The following IL1RAPL2 variants were observed in gnomAD, a reference collection of about 807,000 sequenced individuals.
IL1RAPL2 encodes the protein X-linked interleukin-1 receptor accessory protein-like 2.
A neutral mutation model predicts 44.1 loss-of-function variants in IL1RAPL2; 3 were observed. The observed-to-expected ratio is 0.07, with a 90% CI of 0.03 to 0.18. The LOEUF (loss-of-function observed/expected upper bound fraction) is 0.18. IL1RAPL2 is among the 10% of genes least tolerant of loss of function. IL1RAPL2 has a pLI of 1.00. For synonymous variants in IL1RAPL2, 181 were observed against 178.8 expected (o/e 1.01, Z -0.10); for missense variants, 391 against 496.4 (o/e 0.79, Z 2.02).
chrX:104,627,319 TC>T (rs1242060843), intron 1 of IL1RAPL2, among the ~76,000 whole-genome samples: 4 of 76,630 alleles, frequency 5.2e-5, no homozygotes, highest in Non-Finnish European at 9.2e-5. Context: ...AATATCACAC[TC>T]CGGGGCCTGT....
Position 104,585,193 on chromosome X carries a change from G to A in IL1RAPL2, c.-20+18142G>A, listed in dbSNP as rs755361303. Among the ~76,000 whole-genome samples, 141 of 55,062 alleles carry A rather than the reference G, an allele frequency of 2.6e-3. 7 individuals carry two copies. The highest frequency in any genetic ancestry group is 0.015 in the African/African-American group (136 of 9,042). 47.8% of individuals were successfully genotyped at this position (55,062 alleles called of 115,157 possible). A position where few individuals can be genotyped will look rare whatever the true frequency, so the allele number is the denominator to read the frequency against. On this transcript the variant is annotated intron_variant, in intron 1 of 10. Coordinates refer to ENST00000372582, the MANE Select transcript of IL1RAPL2 (RefSeq NM_017416.2). ...TGTATATATACACACATACACACAT[G>A]TATATGTATTATATATACACATATA...
intron 2 of IL1RAPL2, among the ~76,000 whole-genome samples, chrX:104,714,964 G>T (rs1022724736): frequency 9.0e-6 from 1 of 111,117 alleles, no homozygotes; most frequent in Non-Finnish European, 1.9e-5. Flanking sequence ...ATCTCTGCAA[G>T]GTTTTGGTAA....
intron 5 of IL1RAPL2, among the ~76,000 whole-genome samples, chrX:105,393,194 T>C (rs909699078): frequency 9.1e-6 from 1 of 110,392 alleles, no homozygotes; most frequent in Non-Finnish European, 1.9e-5. Flanking sequence ...GAATGGGTGC[T>C]GCTGATTGGT....
chrX:104,638,629 A>G (rs1043874829), intron 1 of IL1RAPL2, among the ~76,000 whole-genome samples: 8 of 111,878 alleles, frequency 7.2e-5, no homozygotes. Flanking sequence ...ATCATTCAGG[A>G]GCATGTGGTT....
intron 2 of IL1RAPL2, among the ~76,000 whole-genome samples, chrX:105,122,859 G>A (rs1382802162): frequency 9.0e-6 from 1 of 111,164 alleles, no homozygotes; most frequent in South Asian, 3.8e-4. Flanking sequence ...TGTGGGGGTT[G>A]TGGGAAGGCA....
At chrX:105,371,783 A>C (rs761485925) in intron 5 of IL1RAPL2, among the ~76,000 whole-genome samples, 1 of 112,496 alleles carries the variant, frequency 8.9e-6, no homozygotes, top group Non-Finnish European at 1.9e-5. Flanking sequence ...AATGCTTTGC[A>C]TGGAAAGATC....
chrX:104,648,648 C>A (rs930684162), intron 1 of IL1RAPL2, among the ~76,000 whole-genome samples: 8 of 111,463 alleles, frequency 7.2e-5, no homozygotes, highest in Non-Finnish European at 1.5e-4. Context: ...GCTTGTAACA[C>A]CTTATACCTA....
chrX:104,668,829 C>G (rs1930537112), intron 2 of IL1RAPL2, among the ~76,000 whole-genome samples: 1 of 109,964 alleles, frequency 9.1e-6, no homozygotes, highest in African/African-American at 3.3e-5. Context: ...GGAATAACAG[C>G]TTTATAGTCA....
rs745949698 is a variant in IL1RAPL2 at position 105,665,726 on chromosome X, G to GT, written c.773-51634dup. On this transcript the variant is annotated intron_variant, in intron 6 of 10. Coordinates refer to ENST00000372582, the MANE Select transcript of IL1RAPL2 (RefSeq NM_017416.2). ...TGTCCTTTCAATAGTTTTTATTTTT[G>GT]TTTTTTTGTTTTTTTGTTTTTTTTT... is the stretch of plus-strand genomic sequence containing the variant. Among the ~76,000 whole-genome samples the GT allele has an allele frequency of 1.5e-4, 11 of 75,194 alleles. 1 individual carries two copies. Among genetic ancestry groups the GT allele is most frequent in the African/African-American group, 5.7e-4 (11 of 19,170 alleles). 65.3% of individuals were successfully genotyped at this position (75,194 alleles called of 115,157 possible).
chrX:104,658,949 T>C lies in IL1RAPL2; in HGVS notation c.36T>C (p.Cys12=). 2 of 1,208,528 alleles carry C rather than the reference T, an allele frequency of 1.7e-6. No homozygotes were observed. The change falls in exon 2 of 11, where the codon TGT becomes TGC. Residue 12 remains cysteine, a synonymous_variant. Coordinates refer to ENST00000372582, the MANE Select transcript of IL1RAPL2 (RefSeq NM_017416.2). ...KPPFLLALVV[C]SVVSTNLKMV... is the part of the protein sequence containing the mutation. ...CATTTCTTTTGGCCCTTGTGGTCTG[T>C]TCTGTAGTCAGCACAAATCTGAAGA...
intron 6 of IL1RAPL2, among the ~76,000 whole-genome samples, chrX:105,493,056 ACATTTAG>A (rs1399927106): frequency 8.9e-6 from 1 of 112,130 alleles, no homozygotes; most frequent in Non-Finnish European, 1.9e-5. Flanking sequence ...TAGGCTTCTT[ACATTTAG>A]CATAGTGTTA....
rs1458466072 is a variant in IL1RAPL2, at chrX:104,716,052, T to C, written c.82+57057T>C. ...TTCAAACTATACTACAAGGCTACACTAACAAAACATCATGGTACTAGTATA... is the reference window on the plus strand; with the variant it reads ...TTCAAACTATACTACAAGGCTACACCAACAAAACATCATGGTACTAGTATA... On this transcript the variant is annotated intron_variant, in intron 2 of 10. Transcript: ENST00000372582. Among the ~76,000 whole-genome samples the C allele has an allele frequency of 9.0e-5, 10 of 111,145 alleles. No individual in the cohort carries two copies. In the Admixed American group the frequency reaches 9.6e-4, roughly 11 times the overall value.
chrX:105,411,803 T>C (rs2035698097), intron 5 of IL1RAPL2, among the ~76,000 whole-genome samples: 1 of 111,939 alleles, frequency 8.9e-6, no homozygotes, highest in South Asian at 3.7e-4. Flanking sequence ...AGACCAAATG[T>C]ATCTAACAAA....
At chrX:105,210,412 C>T (rs1556156603) in intron 3 of IL1RAPL2, among the ~76,000 whole-genome samples, 2 of 111,198 alleles carry the variant, frequency 1.8e-5, no homozygotes, top group Non-Finnish European at 3.8e-5. Flanking sequence ...ACCCCTGAGC[C>T]TACCCTCCCT....
chrX:104,901,725 C>A, intron 2 of IL1RAPL2, among the ~76,000 whole-genome samples: 1 of 111,420 alleles, frequency 9.0e-6, no homozygotes, highest in Middle Eastern at 4.7e-3. Context: ...TCCTGCCCTG[C>A]CGTTTACTAC....
chrX:105,039,464 A>G (rs747213242), intron 2 of IL1RAPL2, among the ~76,000 whole-genome samples: 21 of 111,902 alleles, frequency 1.9e-4, no homozygotes, highest in Middle Eastern at 4.6e-3. Flanking sequence ...GACAGTTCCT[A>G]TGCTTCTCAA....
intron 6 of IL1RAPL2, among the ~76,000 whole-genome samples, chrX:105,604,559 G>A (rs766589109): frequency 8.2e-5 from 9 of 110,374 alleles, no homozygotes; most frequent in Non-Finnish European, 1.7e-4. Flanking sequence ...TGGCTTTACT[G>A]CTGAATTTTA....
chrX:105,641,705 G>A (rs2037571004), intron 6 of IL1RAPL2, among the ~76,000 whole-genome samples: 1 of 112,132 alleles, frequency 8.9e-6, no homozygotes, highest in Non-Finnish European at 1.9e-5. Context: ...GACTGACTGG[G>A]ACAGCAAGGT....
intron 2 of IL1RAPL2, among the ~76,000 whole-genome samples, chrX:104,719,651 A>G (rs762968175): frequency 3.6e-5 from 4 of 111,645 alleles, no homozygotes; most frequent in Non-Finnish European, 7.5e-5. Context: ...AATGTTTAAA[A>G]GCAACTCCAT....
Sources: gnomAD v4.1 joint callset for allele counts (sites outside exome capture counted in the v4.1 genomes callset) on GRCh38, gnomAD v4.1.1 for gene constraint, MANE v1.5 for transcripts, NCBI Gene and HGNC (gene_info 2026-07-23, HGNC 2026-07-21) for gene names.